Variants in SPTBN5 observed in about 807,000 individuals in gnomAD.
SPTBN5 encodes spectrin beta, non-erythrocytic 5.
A neutral mutation model predicts 477.6 loss-of-function variants in SPTBN5; 513 were observed. The observed-to-expected ratio is 1.07, with a 90% confidence interval of 1.00 to 1.16. SPTBN5 has a LOEUF of 1.16. SPTBN5 is among the 50% of genes most tolerant of loss of function. The pLI is 0.00. For missense variants in SPTBN5, 5,062 were observed against 4,731.8 expected, an observed-to-expected ratio of 1.07 and a Z score of -2.05; for synonymous variants, 2,169 against 2,011.7, an observed-to-expected ratio of 1.08 and a Z score of -2.09.
intron 43 of SPTBN5, 54 bp downstream of exon 43, chr15:41,862,485 G>T: frequency 6.4e-7 from 1 of 1,563,662 alleles, no homozygotes; most frequent in Non-Finnish European, 8.7e-7. Context: ...GGGAGGTGTG[G>T]GGACTGAGAT....
Position 41,852,730 on chromosome 15 carries a change from T to C in SPTBN5, c.10353A>G (p.Ser3451=). 2 of 1,610,318 alleles carry C rather than the reference T, an allele frequency of 1.2e-6. No individual in the cohort carries two copies. Among genetic ancestry groups the C allele is most frequent in the South Asian group, 2.2e-5 (2 of 90,922 alleles). Residue 3451 remains serine (S), a synonymous_variant, in exon 61 of 68, where the codon TCA becomes TCG. Coordinates refer to ENST00000320955, the MANE Select transcript of SPTBN5 (RefSeq NM_016642.4). Reference sequence around the variant, plus strand: ...GCAGCAGCAACTCCACATCTGACACTGAGTGCTGGGGAGAAGCATGTTCAG... The same window carrying C: ...GCAGCAGCAACTCCACATCTGACACCGAGTGCTGGGGAGAAGCATGTTCAG... ...GLLLKPDYGH[S]VSDVELLLHR... is the part of the protein sequence containing the mutation.
rs2065781566 is a variant in SPTBN5 at position 41,852,087 on chromosome 15, C to A, written c.10584+95G>T. The A allele has an allele frequency of 1.7e-5, 25 of 1,459,952 alleles. No homozygotes were observed. In the South Asian group the frequency reaches 3.3e-4, roughly 19 times the overall value. 90.4% of individuals were successfully genotyped at this position (1,459,952 alleles called of 1,614,324 possible). A position where few individuals can be genotyped will look rare whatever the true frequency, so the allele number is the denominator to read the frequency against. On this transcript the variant is annotated intron_variant, in intron 62 of 67. Coordinates refer to ENST00000320955, the MANE Select transcript of SPTBN5 (RefSeq NM_016642.4). ...TGTGCCCGGGCTCCCAGCACTGGCT[C>A]CAGGGTGTGGGCCCTCACCCCCACA... is the stretch of plus-strand genomic sequence containing the variant.
At chr15:41,870,686 T>C (rs1441389157) in intron 29 of SPTBN5, 126 bp from the exon 30 acceptor site, 13 of 719,386 alleles carry the variant, frequency 1.8e-5, no homozygotes, top group South Asian at 5.5e-5. Context: ...AGCTCCTCCT[T>C]CTTAAAACCT....
At chr15:41,877,737 G>C (rs981053017) in intron 17 of SPTBN5, among the ~76,000 whole-genome samples, 8 of 152,238 alleles carry the variant, frequency 5.3e-5, no homozygotes, top group Admixed American at 4.6e-4. Flanking sequence ...GTGTGAATTA[G>C]AGCAAGGCTC....
intron 31 of SPTBN5, 69 bp from the exon 32 acceptor site, chr15:41,870,089 T>C (rs1045305610): frequency 2.1e-6 from 3 of 1,452,540 alleles, no homozygotes; most frequent in African/African-American, 2.9e-5. Flanking sequence ...ATGTATCCCT[T>C]GCCTGGGAAC....
chr15:41,862,173 G>C lies in SPTBN5; in HGVS notation c.7505C>G (p.Pro2502Arg). Residue 2502 changes from proline (P) to arginine (R), a missense_variant, in exon 44 of 68, where the codon CCT becomes CGT. Physicochemically the swap from Pro to Arg is moderately radical, Grantham distance 103 (BLOSUM62 -2). Transcript: ENST00000320955. ...TTCTAACATACGCCGGGCTTCCACA[G>C]GGCTGCGAGGAGCGGGGCTCGTGTC... Reference protein sequence around the residue: ...QMDTSPAPRSPVEARRMLEEH... With the variant: ...QMDTSPAPRSRVEARRMLEEH... 6.2e-7 allele frequency: 1 copy of C among 1,606,084 alleles called. No homozygotes were observed. The highest frequency in any genetic ancestry group is 1.1e-5 in the South Asian group (1 of 90,342).
intron 66 of SPTBN5, 59 bp downstream of exon 66, chr15:41,850,795 C>T (rs540552112): frequency 2.1e-6 from 3 of 1,458,768 alleles, no homozygotes; most frequent in African/African-American, 1.4e-5. Flanking sequence ...ACTAGGGGCC[C>T]AGGAGCTTGG....
At position 41,871,774 on chromosome 15, in the gene SPTBN5, C is replaced by A. The variant is rs1273682454; in HGVS notation, c.5301+8G>T. On this transcript the variant is annotated splice_region_variant and intron_variant, in intron 28 of 67. Transcript: ENST00000320955. ...GGGCACCCTCCTTGACCCTGGCCCT[C>A]TTCTCACCAGGGCGTGCTCGGGGTC... 1 of 1,573,622 alleles carries A rather than the reference C, an allele frequency of 6.4e-7. No homozygotes were observed.
intron 29 of SPTBN5, among the ~76,000 whole-genome samples, chr15:41,871,152 C>T (rs974766594): frequency 1.3e-5 from 2 of 152,236 alleles, no homozygotes; most frequent in African/African-American, 4.8e-5. Context: ...GCTCTCAATC[C>T]TGGGGGCAGG....
At chr15:41,860,292 C>G (rs8031483) in intron 47 of SPTBN5, among the ~76,000 whole-genome samples, 1 of 152,180 alleles carries the variant, frequency 6.6e-6, no homozygotes, top group Non-Finnish European at 1.5e-5. Context: ...TGCGACCTTC[C>G]GTTTCGTGAG....
intron 4 of SPTBN5, 52 bp from the exon 5 acceptor site, chr15:41,888,137 G>C: frequency 6.6e-7 from 1 of 1,526,208 alleles, no homozygotes; most frequent in South Asian, 1.2e-5. Context: ...TGGGGAGGCA[G>C]AGAGCCTGCA....
chr15:41,855,172 C>G, intron 55 of SPTBN5, 52 bp downstream of exon 55: 3 of 1,555,914 alleles, frequency 1.9e-6, no homozygotes, highest in Non-Finnish European at 1.8e-6. Flanking sequence ...CCAGGGCAGG[C>G]CTTCCTCAGC....
rs1461173526 is a variant in SPTBN5, at chr15:41,861,897, G to A, written c.7575C>T (p.Ser2525=). The change falls in exon 45 of 68, where the codon AGC becomes AGT. Residue 2525 remains serine (S), a synonymous_variant. Transcript: ENST00000320955. ...CKAELDSWTD[S]ISLARSTGQQ... The stretch of plus-strand genomic sequence containing the variant: ...GCCCAGTGCTTCGGGCCAGGCTGAT[G>A]CTGTCTGTCCAGGAGTCCAGCTCGG... 8 of 1,606,932 alleles carry A rather than the reference G, an allele frequency of 5.0e-6. No individual in the cohort carries two copies. The highest frequency in any genetic ancestry group is 3.3e-5 in the Admixed American group (2 of 59,758).
rs1227132294 is a variant in SPTBN5, at chr15:41,850,927, C to T, written c.10848G>A (p.Gly3616=). 8 of 1,590,672 alleles carry T rather than the reference C, an allele frequency of 5.0e-6. No homozygotes were observed. Among genetic ancestry groups the T allele is most frequent in the Admixed American group, 1.7e-5 (1 of 58,134 alleles). The change falls in exon 66 of 68, where the codon GGG becomes GGA. Residue 3616 remains glycine, a synonymous_variant. Coordinates refer to ENST00000320955, the MANE Select transcript of SPTBN5 (RefSeq NM_016642.4). ...KHTFSLRLTS[G]AEILFAAPSE... ...ACGGTGCTGCAAACAGGATCTCTGC[C>T]CCACTGGTCAGCCTGGCACCCACAG... is the stretch of plus-strand genomic sequence containing the variant.
Position 41,875,021 on chromosome 15 carries a change from G to C in SPTBN5, c.4323C>G (p.Ala1441=), listed in dbSNP as rs776554177. The stretch of plus-strand genomic sequence containing the variant: ...CCTGCCCTGTTTCCGAGCTCTGTAG[G>C]GCCCCTTCGAGCTGCTCCAGCTGCT... ...AKEQLEQLEG[A]LQSSETGQDL... is the part of the protein sequence containing the mutation. The change falls in exon 23 of 68, where the codon GCC becomes GCG. Residue 1441 remains alanine, a synonymous_variant. Transcript: ENST00000320955. The C allele has an allele frequency of 1.2e-5, 20 of 1,613,300 alleles. No individual in the cohort carries two copies. In the African/African-American group the frequency reaches 1.6e-4, roughly 13 times the overall value.
chr15:41,879,178 G>A (rs1453575224), intron 16 of SPTBN5, 82 bp downstream of exon 16: 2 of 1,501,976 alleles, frequency 1.3e-6, no homozygotes, highest in African/African-American at 1.4e-5. Context: ...CCCAATTTCT[G>A]TCCCTTCCTC....
chr15:41,851,429 T>G, intron 63 of SPTBN5, 60 bp from the exon 64 acceptor site: 1 of 1,228,046 alleles, frequency 8.1e-7, no homozygotes, highest in Non-Finnish European at 1.2e-6. Flanking sequence ...AGCTAGGGCC[T>G]GTCCACGCCT....
rs769398729 is a variant in SPTBN5, at chr15:41,857,020, G to T, written c.8641C>A (p.Pro2881Thr). Residue 2881 changes from proline (P) to threonine (T), a missense_variant, in exon 52 of 68, where the codon CCC becomes ACC. Physicochemically the swap from Pro to Thr is conservative, Grantham distance 38. Transcript: ENST00000320955. ...AGGGCCGTCCTGCGCTCCTGCAGGGGCTCCCTCAGGCTCTTGAACCTGCAG... is the reference window on the plus strand; with the variant it reads ...AGGGCCGTCCTGCGCTCCTGCAGGGTCTCCCTCAGGCTCTTGAACCTGCAG... ...LLQRFKSLRE[P>T]LQERRTALEA... 1.2e-6 allele frequency: 2 copies of T among 1,603,484 alleles called. No individual in the cohort carries two copies. Among genetic ancestry groups the T allele is most frequent in the Non-Finnish European group, 1.7e-6 (2 of 1,175,784 alleles).
intron 31 of SPTBN5, 24 bp from the exon 32 acceptor site, chr15:41,870,044 G>C: frequency 6.8e-7 from 1 of 1,465,588 alleles, no homozygotes; most frequent in Non-Finnish European, 9.0e-7. Context: ...AGGGAATAGG[G>C]AGGCAAGGGT....
Sources: gnomAD v4.1 joint callset for allele counts (sites outside exome capture counted in the v4.1 genomes callset) on GRCh38, gnomAD v4.1.1 for gene constraint, MANE v1.5 for transcripts, NCBI Gene and HGNC (gene_info 2026-07-23, HGNC 2026-07-21) for gene names.